Variants in CEP164 observed in about 807,000 individuals in gnomAD.
The protein encoded by CEP164 is centrosomal protein of 164 kDa.
In CEP164, 162 loss-of-function variants were observed where a neutral mutation model predicts 182.7. That is an observed-to-expected ratio of 0.89 (90% CI 0.78 to 1.01). The LOEUF is 1.01. CEP164 is among the 50% of genes least tolerant of loss of function. The pLI is 0.00. For synonymous variants in CEP164, 661 were observed against 690.0 expected (o/e 0.96, Z 0.66); for missense variants, 1,735 against 1,790.4 (o/e 0.97, Z 0.56).
At chr11:117,326,526 C>T (rs2035460378), upstream of CEP164, among the ~76,000 whole-genome samples, 1 of 152,182 alleles carries the variant, frequency 6.6e-6, no homozygotes. Context: ...AGCCACTGTG[C>T]CTGGCAAAGT....
chr11:117,323,465 A>G (rs2035326323), upstream of CEP164, among the ~76,000 whole-genome samples: 1 of 152,062 alleles, frequency 6.6e-6, no homozygotes, highest in Non-Finnish European at 1.5e-5. Flanking sequence ...CATTGTGTAT[A>G]TATACCACAT....
intron 2 of CEP164, chr11:117,336,672 T>C (rs1297404751): frequency 2.2e-6 from 2 of 891,318 alleles, no homozygotes; most frequent in East Asian, 2.4e-5. Context: ...CTGCCTGGGC[T>C]TGATGCGTTC....
chr11:117,329,645 G>A (rs997036797), intron 1 of CEP164, among the ~76,000 whole-genome samples: 6 of 152,082 alleles, frequency 3.9e-5, no homozygotes, highest in African/African-American at 1.4e-4. Flanking sequence ...GGGTTCAAGC[G>A]ATTCTCCTGC....
intron 4 of CEP164, among the ~76,000 whole-genome samples, chr11:117,351,108 C>T (rs971375540): frequency 3.3e-5 from 5 of 152,216 alleles, no homozygotes; most frequent in Admixed American, 2.6e-4. Flanking sequence ...TCTTGGCTCA[C>T]TGCAACCTCC....
chr11:117,404,963 A>T (rs2046511431), intron 27 of CEP164, among the ~76,000 whole-genome samples: 1 of 151,868 alleles, frequency 6.6e-6, no homozygotes, highest in South Asian at 2.1e-4. Context: ...TGAGGGGAAA[A>T]CCTCAGTAAT....
At chr11:117,367,940 T>A (rs1328114807) in intron 8 of CEP164, among the ~76,000 whole-genome samples, 3 of 152,224 alleles carry the variant, frequency 2.0e-5, no homozygotes, top group Non-Finnish European at 4.4e-5. Flanking sequence ...ATAAATATAG[T>A]CTAATCCCTA....
chr11:117,370,990 A>G (rs2042146326), intron 8 of CEP164, 90 bp from the exon 9 acceptor site: 2 of 1,364,028 alleles, frequency 1.5e-6, no homozygotes, highest in Admixed American at 4.6e-5. Context: ...TGTGGGAGTC[A>G]GGGAATAGCA....
chr11:117,360,865 T>C (rs928671225), intron 5 of CEP164, among the ~76,000 whole-genome samples: 7 of 152,170 alleles, frequency 4.6e-5, no homozygotes, highest in African/African-American at 1.7e-4. Context: ...TTTTAAACTT[T>C]ATCAACTGAG....
chr11:117,405,473 C>T (rs542978711), intron 27 of CEP164, among the ~76,000 whole-genome samples: 3 of 152,228 alleles, frequency 2.0e-5, no homozygotes, highest in East Asian at 1.9e-4. Context: ...CGCCCTCCAT[C>T]GGCTGCACCC....
At chr11:117,347,419 C>G (rs2039040107) in intron 4 of CEP164, among the ~76,000 whole-genome samples, 1 of 152,038 alleles carries the variant, frequency 6.6e-6, no homozygotes, top group Non-Finnish European at 1.5e-5. Context: ...AATAGCTTGT[C>G]AGTTTCCAAG....
Position 117,331,750 on chromosome 11 carries a change from A to ATT in CEP164, c.-97-3842_-97-3841dup, listed in dbSNP as rs34206351. On this transcript the variant is annotated intron_variant, in intron 1 of 32. Coordinates refer to ENST00000278935, the MANE Select transcript of CEP164 (RefSeq NM_014956.5). ...TCCTAGCTTCTGAGATTGCTGGTGT[A>ATT]TTTTTTTTTTTTTTCAGATAGGGTC... 9.1e-4 allele frequency among the ~76,000 whole-genome samples: 129 copies of ATT among 142,048 alleles called. 2 individuals are homozygous for ATT. The highest frequency in any genetic ancestry group is 7.1e-3 in the South Asian group (31 of 4,388). 93.2% of individuals were successfully genotyped at this position (142,048 alleles called of 152,430 possible).
At chr11:117,322,757 ATTTTTTT>A (rs34284352) in intron 1 of CEP164, among the ~76,000 whole-genome samples, 35 of 47,762 alleles carry the variant, frequency 7.3e-4, no homozygotes, top group Middle Eastern at 0.038. Context: ...ATATAGATAG[ATTTTTTT>A]TTTTTTTTTT....
At chr11:117,380,482 C>T (rs1317666187) in intron 11 of CEP164, 132 bp from the exon 12 acceptor site, 7 of 689,186 alleles carry the variant, frequency 1.0e-5, no homozygotes, top group Admixed American at 2.4e-5. Context: ...TTCTGTTCTA[C>T]GTCCCGTATG....
rs143802594 is a variant in CEP164, at chr11:117,397,228, G to T, written c.3416G>T (p.Arg1139Leu). Residue 1139 changes from arginine (R) to leucine (L), a missense_variant, in exon 27 of 33, where the codon CGC becomes CTC. Arg to Leu is a moderately radical substitution (Grantham distance 102). Coordinates refer to ENST00000278935, the MANE Select transcript of CEP164 (RefSeq NM_014956.5). ...CTGAAAGCTGCCCAGCAGCATTGGC[G>T]CCATGAGCTGGCCAGTGCGCAGGAG... Reference protein sequence around the residue: ...TALKAAQQHWRHELASAQEVA... With the variant: ...TALKAAQQHWLHELASAQEVA... 1.7e-4 allele frequency: 276 copies of T among 1,614,106 alleles called. No individual in the cohort carries two copies. The highest frequency in any genetic ancestry group is 2.2e-4 in the Non-Finnish European group (264 of 1,180,054).
Position 117,367,537 on chromosome 11 carries a change from T to A in CEP164, c.766-3543T>A, listed in dbSNP as rs558759879. 3.3e-3 allele frequency among the ~76,000 whole-genome samples: 497 copies of A among 152,354 alleles called. 3 individuals carry two copies. Among genetic ancestry groups the A allele is most frequent in the Middle Eastern group, 0.017 (5 of 294 alleles). ...AATCTCTCTCTTTTTAATTTTTTTT[T>A]ATTATACTTTAAGTTTTAGGGTACA... On this transcript the variant is annotated intron_variant, in intron 8 of 32. Coordinates refer to ENST00000278935, the MANE Select transcript of CEP164 (RefSeq NM_014956.5).
At chr11:117,346,536 C>T (rs10892096) in intron 4 of CEP164, among the ~76,000 whole-genome samples, 5 of 151,092 alleles carry the variant, frequency 3.3e-5, no homozygotes, top group Non-Finnish European at 3.0e-5. Flanking sequence ...GGATTACAGG[C>T]GTGAGCCACC....
chr11:117,355,270 A>C, intron 5 of CEP164: 1 of 1,289,862 alleles, frequency 7.8e-7, no homozygotes, highest in Non-Finnish European at 1.0e-6. Flanking sequence ...AGAAGGCGAC[A>C]GAGAAAATCT....
At position 117,391,147 on chromosome 11, in the gene CEP164, G is replaced by T. The variant is rs1477253856; in HGVS notation, c.2215G>T (p.Ala739Ser). 1.2e-6 allele frequency: 2 copies of T among 1,613,580 alleles called. No individual in the cohort carries two copies. The highest frequency in any genetic ancestry group is 2.2e-5 in the South Asian group (2 of 91,074). Reference protein sequence around the residue: ...IEASEKSEQAALNAAKEKALQ... With the variant: ...IEASEKSEQASLNAAKEKALQ... ...GGCTTCGGAGAAGAGCGAGCAGGCT[G>T]CCCTGAATGCTGCAAAGGAGAAGGC... The change falls in exon 17 of 33, where the codon GCC becomes TCC. Residue 739 changes from alanine to serine, a missense_variant. Transcript: ENST00000278935.
rs747720800 is a variant in CEP164 at position 117,392,991 on chromosome 11, A to G, written c.2494-13A>G. ...CGGTTCTTCATGCCACATCCCTGCC[A>G]TCTCCCCTGCAGCTCAGCAGTCTCC... On this transcript the variant is annotated splice_polypyrimidine_tract_variant and intron_variant, in intron 19 of 32. Coordinates refer to ENST00000278935, the MANE Select transcript of CEP164 (RefSeq NM_014956.5). The G allele has an allele frequency of 3.7e-6, 6 of 1,612,486 alleles. No individual in the cohort carries two copies. In the East Asian group the frequency reaches 1.3e-4, roughly 36 times the overall value.
Sources: allele counts gnomAD v4.1 joint callset (sites outside exome capture counted in the v4.1 genomes callset), GRCh38; gene constraint gnomAD v4.1.1; transcripts MANE v1.5; gene names NCBI Gene and HGNC (gene_info 2026-07-23, HGNC 2026-07-21).